PTPRN2: variants seen among roughly 807,000 people sequenced by gnomAD.
PTPRN2 encodes the protein protein tyrosine phosphatase receptor type N2, also known as receptor-type tyrosine-protein phosphatase N2.
A neutral mutation model predicts 118.8 loss-of-function variants in PTPRN2; 74 were observed. The observed-to-expected ratio is 0.62, with a 90% CI of 0.52 to 0.76. The LOEUF is 0.76. Ranked by LOEUF, PTPRN2 falls within the 30% of genes least tolerant of loss-of-function variation. The pLI is 0.00. For synonymous variants in PTPRN2, 641 were observed against 608.0 expected (o/e 1.05, Z -0.80); for missense variants, 1,481 against 1,394.4 (o/e 1.06, Z -0.99).
intron 2 of PTPRN2, among the ~76,000 whole-genome samples, chr7:158,329,768 C>T (rs1023784553): frequency 3.9e-5 from 6 of 152,140 alleles, no homozygotes; most frequent in African/African-American, 1.2e-4. Flanking sequence ...CAGAGTTGGC[C>T]TGGGAGTCGC....
intron 12 of PTPRN2, among the ~76,000 whole-genome samples, chr7:157,793,542 C>G (rs184513887): frequency 6.6e-6 from 1 of 151,878 alleles, no homozygotes; most frequent in Non-Finnish European, 1.5e-5. Flanking sequence ...CGTGGTGCCT[C>G]TTCCGGGGTG....
At chr7:158,391,554 T>C (rs1811928646) in intron 2 of PTPRN2, among the ~76,000 whole-genome samples, 1 of 152,220 alleles carries the variant, frequency 6.6e-6, no homozygotes, top group Admixed American at 6.5e-5. Context: ...CATTTTATGA[T>C]GAGAAATGCC....
intron 2 of PTPRN2, among the ~76,000 whole-genome samples, chr7:158,413,375 A>ATTG (rs1814359977): frequency 1.3e-5 from 2 of 152,406 alleles, no homozygotes; most frequent in East Asian, 1.9e-4. Flanking sequence ...CTCACTTAGC[A>ATTG]TCTGAACCCG....
chr7:157,623,402 A>AG (rs1041273831), intron 14 of PTPRN2, among the ~76,000 whole-genome samples: 3 of 152,326 alleles, frequency 2.0e-5, no homozygotes, highest in Admixed American at 6.5e-5. Context: ...TCTGGGTCCT[A>AG]GCTTTTCTTT....
At chr7:158,561,941 C>G (rs1827415737) in intron 1 of PTPRN2, among the ~76,000 whole-genome samples, 1 of 152,204 alleles carries the variant, frequency 6.6e-6, no homozygotes, top group African/African-American at 2.4e-5. Context: ...AAGAGGAACA[C>G]TGAGAGGAAG....
At chr7:158,109,319 C>G (rs1473385247) in intron 10 of PTPRN2, among the ~76,000 whole-genome samples, 1 of 146,560 alleles carries the variant, frequency 6.8e-6, no homozygotes, top group Middle Eastern at 4.6e-3. Context: ...GTGAAGGAGA[C>G]AGTGAGTGAA....
intron 3 of PTPRN2, among the ~76,000 whole-genome samples, chr7:158,296,636 C>T (rs1356550736): frequency 2.6e-5 from 4 of 152,308 alleles, no homozygotes; most frequent in East Asian, 1.9e-4. Context: ...TAGACACGGC[C>T]GTGGGGTCTG....
chr7:158,282,630 T>C (rs1027257644), intron 3 of PTPRN2, among the ~76,000 whole-genome samples: 2 of 150,570 alleles, frequency 1.3e-5, no homozygotes, highest in African/African-American at 4.9e-5. Context: ...GATCCCTCCT[T>C]GTGCTCCCAC....
intron 11 of PTPRN2, among the ~76,000 whole-genome samples, chr7:157,922,992 T>C (rs1313256409): frequency 6.6e-6 from 1 of 152,170 alleles, no homozygotes; most frequent in Admixed American, 6.5e-5. Context: ...TCCCTCCTTC[T>C]CCTTAAAGCC....
At chr7:158,368,238 A>C (rs1809682862) in intron 2 of PTPRN2, among the ~76,000 whole-genome samples, 1 of 152,188 alleles carries the variant, frequency 6.6e-6, no homozygotes. Context: ...CAGCAGGCTG[A>C]ACCCAACTGG....
chr7:157,748,704 T>G (rs1420176727), intron 12 of PTPRN2, among the ~76,000 whole-genome samples: 1 of 112,300 alleles, frequency 8.9e-6, no homozygotes, highest in Non-Finnish European at 1.8e-5. Flanking sequence ...TGTGGGCTGT[T>G]GAGGTGATTC....
chr7:158,201,045 GAA>G (rs201159840), intron 4 of PTPRN2, among the ~76,000 whole-genome samples: 1 of 139,178 alleles, frequency 7.2e-6, no homozygotes, highest in Non-Finnish European at 1.5e-5. Context: ...TTACAAGGGT[GAA>G]AAAAAAGTGG....
intron 15 of PTPRN2, among the ~76,000 whole-genome samples, chr7:157,605,573 G>A (rs1261382126): frequency 2.6e-5 from 4 of 152,198 alleles, no homozygotes; most frequent in African/African-American, 9.6e-5. Context: ...GAAGAATGAG[G>A]TATGGAGACA....
intron 12 of PTPRN2, among the ~76,000 whole-genome samples, chr7:157,745,124 C>T (rs551693676): frequency 5.2e-4 from 79 of 152,322 alleles, no homozygotes; most frequent in Non-Finnish European, 2.8e-4. Context: ...ACCGAGACAG[C>T]TCCAGGAGTG....
chr7:157,547,459 A>G (rs1259935644), intron 22 of PTPRN2, among the ~76,000 whole-genome samples: 1 of 152,118 alleles, frequency 6.6e-6, no homozygotes, highest in East Asian at 1.9e-4. Flanking sequence ...GAGGCCAGAC[A>G]CACGTCAACC....
In PTPRN2 at chr7:158,441,038, A is replaced by AGTAGTGATGGTG. The variant is rs1190551823; in HGVS notation, c.163+48685_163+48696dup. Among the ~76,000 whole-genome samples the AGTAGTGATGGTG allele has an allele frequency of 8.1e-3, 965 of 119,546 alleles. 7 individuals are homozygous for AGTAGTGATGGTG. The highest frequency in any genetic ancestry group is 0.014 in the Middle Eastern group (2 of 148). The allele number at this position is 119,546 out of a possible 152,430, so 78.4% of individuals were successfully genotyped here. A position where few individuals can be genotyped will look rare whatever the true frequency, so the allele number is the denominator to read the frequency against. Reference sequence around the variant, plus strand: ...TAGTCGTGGTGGTGGTGACAGTGGTAGTAGTGATGGTGGTAGTGATGGGGG... The same window carrying AGTAGTGATGGTG: ...TAGTCGTGGTGGTGGTGACAGTGGTAGTAGTGATGGTGGTAGTGATGGTGGTAGTGATGGGGG... On this transcript the variant is annotated intron_variant, in intron 2 of 22. Transcript: ENST00000389418.
chr7:158,558,620 AG>A (rs1364436335), intron 1 of PTPRN2, among the ~76,000 whole-genome samples: 1 of 152,110 alleles, frequency 6.6e-6, no homozygotes, highest in Non-Finnish European at 1.5e-5. Context: ...GTGAAAAAAC[AG>A]GTGCAGCAAT....
intron 14 of PTPRN2, among the ~76,000 whole-genome samples, chr7:157,654,365 T>C (rs1186644553): frequency 2.6e-5 from 4 of 151,766 alleles, no homozygotes; most frequent in African/African-American, 9.7e-5. Flanking sequence ...CACCAGCACC[T>C]GCTGGCATCG....
chr7:158,279,129 C>A lies in PTPRN2; in HGVS notation c.277+37690G>T, dbSNP rs540448351. The stretch of plus-strand genomic sequence containing the variant: ...ACCGGTTTGCTGCTGCTGGCTCTGG[C>A]AGCCTGCTTTTATCCCCATATCTGG... On this transcript the variant is annotated intron_variant, in intron 3 of 22. Coordinates refer to ENST00000389418, the MANE Select transcript of PTPRN2 (RefSeq NM_002847.5). 3.9e-5 allele frequency among the ~76,000 whole-genome samples: 6 copies of A among 152,334 alleles called. No homozygotes were observed. In the South Asian group the frequency reaches 1.2e-3, roughly 32 times the overall value.
Sources: allele counts gnomAD v4.1 joint callset (sites outside exome capture counted in the v4.1 genomes callset), GRCh38; gene constraint gnomAD v4.1.1; transcripts MANE v1.5; gene names NCBI Gene and HGNC (gene_info 2026-07-23, HGNC 2026-07-21).